The following SLC66A3 variants were observed in gnomAD, a reference collection of about 807,000 sequenced individuals.
SLC66A3 encodes the protein PQ loop repeat containing 3.
In SLC66A3, 23 loss-of-function variants were observed where a neutral mutation model predicts 25.5. That is an observed-to-expected ratio of 0.90 (90% CI 0.65 to 1.28). The LOEUF (loss-of-function observed/expected upper bound fraction) is 1.28, where lower values mean the gene tolerates loss of function less well. SLC66A3 is among the 50% of genes most tolerant of loss of function. The probability of loss-of-function intolerance (pLI) is 0.00; values close to 1 mark genes in which losing one functional copy is unlikely to be tolerated. For synonymous variants in SLC66A3, 108 were observed against 112.6 expected, an observed-to-expected ratio of 0.96 and a Z score of 0.26; for missense variants, 246 against 262.1, an observed-to-expected ratio of 0.94 and a Z score of 0.42.
rs1206497308 is a variant in SLC66A3 at position 11,178,127 on chromosome 2, C to CTTAAG, written c.*302_*306dup. On this transcript the variant is annotated 3_prime_UTR_variant, in exon 7 of 7. Transcript: ENST00000295083. ...TTTTGAGGCCATTTTGAGCCTTACT[C>CTTAAG]TTAAGTTCTCTATGAAGAACTACAT... The CTTAAG allele has an allele frequency of 8.7e-6, 2 of 229,288 alleles. No homozygotes were observed. The highest frequency in any genetic ancestry group is 2.3e-5 in the African/African-American group (1 of 43,974). 14.2% of individuals were successfully genotyped at this position (229,288 alleles called of 1,614,324 possible).
intron 4 of SLC66A3, 78 bp downstream of exon 4, chr2:11,164,339 A>T (rs1662231965): frequency 2.5e-5 from 3 of 120,304 alleles, no homozygotes; most frequent in East Asian, 4.2e-4. Flanking sequence ...ATATATATAT[A>T]TATATATTTT....
At chr2:11,156,064 G>T (rs1211961064) in intron 1 of SLC66A3, among the ~76,000 whole-genome samples, 1 of 152,202 alleles carries the variant, frequency 6.6e-6, no homozygotes, top group African/African-American at 2.4e-5. Context: ...ACCACGCACC[G>T]TCAACCTCGT....
intron 4 of SLC66A3, among the ~76,000 whole-genome samples, chr2:11,168,193 G>A (rs1228098917): frequency 1.3e-5 from 2 of 151,844 alleles, no homozygotes; most frequent in Non-Finnish European, 2.9e-5. Context: ...GGTGAGGCAG[G>A]AGAATGGCGT....
At chr2:11,176,134 T>A (rs1033393028) in intron 6 of SLC66A3, among the ~76,000 whole-genome samples, 1 of 152,172 alleles carries the variant, frequency 6.6e-6, no homozygotes, top group Non-Finnish European at 1.5e-5. Flanking sequence ...AATTAAAAGA[T>A]CAAGATTGTT....
chr2:11,165,184 CAGGG>C (rs1662279665), intron 4 of SLC66A3, among the ~76,000 whole-genome samples: 1 of 151,370 alleles, frequency 6.6e-6, no homozygotes, highest in African/African-American at 2.4e-5. Context: ...CCCTCCTGGA[CAGGG>C]CGGCTGCCGG....
intron 6 of SLC66A3, 146 bp downstream of exon 6, chr2:11,175,155 A>T: frequency 1.7e-6 from 1 of 589,754 alleles, no homozygotes; most frequent in Non-Finnish European, 3.0e-6. Context: ...TCCTAGTCTT[A>T]TTGGTCACCA....
At chr2:11,164,502 C>G (rs1365757282) in intron 4 of SLC66A3, among the ~76,000 whole-genome samples, 1 of 54,536 alleles carries the variant, frequency 1.8e-5, no homozygotes, top group Non-Finnish European at 3.3e-5. Flanking sequence ...CCACCACACC[C>G]AGCTAATTTT....
intron 4 of SLC66A3, among the ~76,000 whole-genome samples, chr2:11,171,570 C>T (rs1157459601): frequency 6.6e-6 from 1 of 151,048 alleles, no homozygotes; most frequent in Non-Finnish European, 1.5e-5. Context: ...ATCTCGTGCT[C>T]TTTTGCTTTT....
chr2:11,176,276 T>C (rs200073460), intron 6 of SLC66A3, among the ~76,000 whole-genome samples: 20 of 148,076 alleles, frequency 1.4e-4, no homozygotes, highest in South Asian at 4.3e-4. Flanking sequence ...AGTGCAGTGG[T>C]GTGATCTTGG....
intron 1 of SLC66A3, among the ~76,000 whole-genome samples, chr2:11,157,024 T>G (rs1244032963): frequency 6.6e-6 from 1 of 152,144 alleles, no homozygotes; most frequent in Non-Finnish European, 1.5e-5. Flanking sequence ...CTGGGGAAGC[T>G]GAAGCTGGAC....
intron 4 of SLC66A3, among the ~76,000 whole-genome samples, chr2:11,165,185 A>G (rs77026478): frequency 0.61 from 91,253 of 149,924 alleles, 28,424 homozygotes; most frequent in African/African-American, 0.75. Flanking sequence ...CCTCCTGGAC[A>G]GGGCGGCTGC....
At chr2:11,164,985 C>T (rs1170639487) in intron 4 of SLC66A3, among the ~76,000 whole-genome samples, 2 of 150,066 alleles carry the variant, frequency 1.3e-5, no homozygotes, top group Non-Finnish European at 2.9e-5. Flanking sequence ...TTTCCCCTTT[C>T]CCCCTTTTCT....
rs1662596478 is a variant in SLC66A3 at position 11,172,693 on chromosome 2, G to A, written c.475+648G>A. On this transcript the variant is annotated intron_variant, in intron 5 of 6. Transcript: ENST00000295083. ...GGTTGCTGGTCTTTATATTCAACAA[G>A]TTACTTGTCTTAATTATGTCTTAAA... 3 of 402,126 alleles carry A rather than the reference G, an allele frequency of 7.5e-6. No individual in the cohort carries two copies. The Admixed American group carries it at 8.4e-5, about 11-fold the overall frequency. The allele number at this position is 402,126 out of a possible 1,614,324, so 24.9% of individuals were successfully genotyped here.
chr2:11,166,763 C>T (rs1171598778), intron 4 of SLC66A3, among the ~76,000 whole-genome samples: 8 of 152,098 alleles, frequency 5.3e-5, no homozygotes, highest in Admixed American at 5.2e-4. Flanking sequence ...TGCATGGTGG[C>T]GGGCACCTGT....
Position 11,155,696 on chromosome 2 carries a change from C to A in SLC66A3, c.143+7C>A. Reference sequence around the variant, plus strand: ...TACTTCTGGAGCTGGCAGGGTAAGGCCCGGGGCGGCCGGGGCTGCCTCCTG... The same window carrying A: ...TACTTCTGGAGCTGGCAGGGTAAGGACCGGGGCGGCCGGGGCTGCCTCCTG... On this transcript the variant is annotated splice_region_variant and intron_variant, in intron 1 of 6. Coordinates refer to ENST00000295083, the MANE Select transcript of SLC66A3 (RefSeq NM_152391.5). The A allele has an allele frequency of 7.1e-7, 1 of 1,404,184 alleles. No homozygotes were observed. Among genetic ancestry groups the A allele is most frequent in the Non-Finnish European group, 9.2e-7 (1 of 1,082,332 alleles). The allele number at this position is 1,404,184 out of a possible 1,614,324, so 87.0% of individuals were successfully genotyped here.
intron 1 of SLC66A3, among the ~76,000 whole-genome samples, chr2:11,157,571 C>T (rs1373889429): frequency 1.3e-5 from 2 of 152,334 alleles, no homozygotes; most frequent in East Asian, 3.9e-4. Context: ...CCAGATCAGG[C>T]AGCAGCCGGA....
At position 11,169,837 on chromosome 2, in the gene SLC66A3, C is replaced by CTTTTTTTTTTT. The variant is rs1186098636; in HGVS notation, c.355-2078_355-2068dup. On this transcript the variant is annotated intron_variant, in intron 4 of 6. Transcript: ENST00000295083. ...GATTAGAATCACCCTGGATTTCTCT[C>CTTTTTTTTTTT]TTTTTTTTTTTTTTTTTTTTGAGAC... 3.4e-3 allele frequency among the ~76,000 whole-genome samples: 306 copies of CTTTTTTTTTTT among 89,042 alleles called. 13 individuals carry two copies. Among genetic ancestry groups the CTTTTTTTTTTT allele is most frequent in the Non-Finnish European group, 4.5e-3 (221 of 49,034 alleles). The allele number at this position is 89,042 out of a possible 152,430, so 58.4% of individuals were successfully genotyped here.
chr2:11,173,642 C>G (rs1045735516), intron 5 of SLC66A3, among the ~76,000 whole-genome samples: 1 of 152,198 alleles, frequency 6.6e-6, no homozygotes, highest in Non-Finnish European at 1.5e-5. Context: ...CAAAAAACTT[C>G]TATGTCAATA....
Position 11,177,970 on chromosome 2 carries a change from GAA to G in SLC66A3, c.*144_*145del. The G allele has an allele frequency of 1.7e-6, 1 of 598,150 alleles. No individual in the cohort carries two copies. Among genetic ancestry groups the G allele is most frequent in the Non-Finnish European group, 2.9e-6 (1 of 345,368 alleles). The allele number at this position is 598,150 out of a possible 1,614,324, so 37.1% of individuals were successfully genotyped here. A position where few individuals can be genotyped will look rare whatever the true frequency, so the allele number is the denominator to read the frequency against. On this transcript the variant is annotated 3_prime_UTR_variant, in exon 7 of 7. Coordinates refer to ENST00000295083, the MANE Select transcript of SLC66A3 (RefSeq NM_152391.5). ...GCCAAAGGTTTTTTTAGACTTGAAA[GAA>G]AGAGCCACTTAAATTCTTGTTTAAA...
Sources: allele counts gnomAD v4.1 joint callset (sites outside exome capture counted in the v4.1 genomes callset), GRCh38; gene constraint gnomAD v4.1.1; transcripts MANE v1.5; gene names NCBI Gene and HGNC (gene_info 2026-07-23, HGNC 2026-07-21).